PSKH2: variants seen among roughly 807,000 people sequenced by gnomAD.
PSKH2 encodes the protein protein serine kinase H2.
In PSKH2, 16 loss-of-function variants were observed where a neutral mutation model predicts 22.5. The observed-to-expected ratio is 0.71, with a 90% CI of 0.48 to 1.08. The LOEUF is 1.08. Ranked by LOEUF, PSKH2 falls within the 50% of genes least tolerant of loss-of-function variation. The pLI, the probability that PSKH2 is intolerant of heterozygous loss-of-function variation, is 0.00. For missense variants in PSKH2, 516 were observed against 492.8 expected, an observed-to-expected ratio of 1.05 and a Z score of -0.44; for synonymous variants, 188 against 184.8, an observed-to-expected ratio of 1.02 and a Z score of -0.14.
intron 2 of PSKH2, among the ~76,000 whole-genome samples, chr8:86,058,950 A>G (rs1177964722): frequency 1.4e-5 from 2 of 144,260 alleles, no homozygotes; most frequent in Non-Finnish European, 3.1e-5. Flanking sequence ...TATTTTATTT[A>G]TTTTTTTGAG....
At chr8:86,053,483 C>T (rs555399513) in intron 2 of PSKH2, among the ~76,000 whole-genome samples, 40 of 152,306 alleles carry the variant, frequency 2.6e-4, no homozygotes, top group African/African-American at 9.4e-4. Context: ...CCCCTCCTCA[C>T]CATGAGCCCC....
At chr8:86,063,410 A>G (rs1374036259) in intron 2 of PSKH2, among the ~76,000 whole-genome samples, 1 of 152,222 alleles carries the variant, frequency 6.6e-6, no homozygotes, top group Non-Finnish European at 1.5e-5. Context: ...ACATTCATGA[A>G]CACTGGGAGT....
rs183597573 is a variant in PSKH2, at chr8:86,069,003, T to G, written c.185+435A>C. ...TTATCCCAGACTATTGCAATAGGAG[T>G]CGAGGCTTCTGCAACAGGGGAAAGA... On this transcript the variant is annotated intron_variant, in intron 1 of 2. Transcript: ENST00000276616. 5.9e-4 allele frequency among the ~76,000 whole-genome samples: 89 copies of G among 151,396 alleles called. 1 individual carries two copies. Among genetic ancestry groups the G allele is most frequent in the African/African-American group, 1.7e-3 (71 of 41,216 alleles).
At chr8:86,059,622 G>A (rs60922663) in intron 2 of PSKH2, among the ~76,000 whole-genome samples, 278 of 152,114 alleles carry the variant, frequency 1.8e-3, no homozygotes, top group African/African-American at 6.4e-3. Context: ...ACTTGTGATC[G>A]TATTGGGCCT....
intron 2 of PSKH2, among the ~76,000 whole-genome samples, chr8:86,055,701 T>G (rs1261087956): frequency 6.6e-6 from 1 of 152,196 alleles, no homozygotes; most frequent in East Asian, 1.9e-4. Context: ...ATTAAAGTAC[T>G]GAATGTTCTG....
At chr8:86,064,826 G>T (rs145898227) in intron 1 of PSKH2, among the ~76,000 whole-genome samples, 195 bp from the exon 2 acceptor site, 2 of 152,026 alleles carry the variant, frequency 1.3e-5, no homozygotes, top group Non-Finnish European at 2.9e-5. Flanking sequence ...CGATATAAAG[G>T]TAATTTGTTG....
intron 2 of PSKH2, among the ~76,000 whole-genome samples, chr8:86,056,584 A>G (rs942974428): frequency 6.6e-6 from 1 of 152,220 alleles, no homozygotes; most frequent in African/African-American, 2.4e-5. Flanking sequence ...AAAAAAAGCC[A>G]TAAAACTAAT....
At chr8:86,063,723 C>T (rs1161257994) in intron 2 of PSKH2, among the ~76,000 whole-genome samples, 2 of 152,200 alleles carry the variant, frequency 1.3e-5, no homozygotes, top group African/African-American at 4.8e-5. Context: ...AGTCAAATGG[C>T]TCTCAGTCAG....
rs141099262 is a variant in PSKH2, at chr8:86,059,239, C to T, written c.852+4726G>A. On this transcript the variant is annotated intron_variant, in intron 2 of 2. Transcript: ENST00000276616. ...TACAGGTGTGCACCACAATGCCCAA[C>T]CTATTTAATTTGATGTTTATACCTG... Among the ~76,000 whole-genome samples the T allele has an allele frequency of 5.3e-3, 809 of 152,244 alleles. 8 individuals are homozygous for T. The highest frequency in any genetic ancestry group is 0.018 in the African/African-American group (762 of 41,526).
In PSKH2 at chr8:86,047,326, A is replaced by T. The variant is rs4961045; in HGVS notation, c.*1136T>A. Among the ~76,000 whole-genome samples the T allele has an allele frequency of 0.38, 57,289 of 151,912 alleles. 11,025 individuals are homozygous for T. Among genetic ancestry groups the T allele is most frequent in the East Asian group, 0.49 (2,532 of 5,150 alleles). ...ATATCATGTGATACAGCATTACAAC[A>T]TAAAAAGAAAATAGTTGTGTCACTA... is the stretch of plus-strand genomic sequence containing the variant. On this transcript the variant is annotated 3_prime_UTR_variant, in exon 3 of 3. Coordinates refer to ENST00000276616, the MANE Select transcript of PSKH2 (RefSeq NM_033126.3).
intron 2 of PSKH2, among the ~76,000 whole-genome samples, chr8:86,049,475 C>G (rs915007453): frequency 2.0e-5 from 3 of 151,750 alleles, no homozygotes; most frequent in Admixed American, 2.0e-4. Flanking sequence ...GGGAGGATTC[C>G]TTCAGCCCAG....
chr8:86,049,936 A>G (rs1230341009), intron 2 of PSKH2, among the ~76,000 whole-genome samples: 1 of 152,140 alleles, frequency 6.6e-6, no homozygotes, highest in Admixed American at 6.5e-5. Flanking sequence ...CTGGGCCCTC[A>G]CTGTTCCCAA....
At chr8:86,068,199 G>T (rs1356423122) in intron 1 of PSKH2, among the ~76,000 whole-genome samples, 3 of 152,164 alleles carry the variant, frequency 2.0e-5, no homozygotes, top group African/African-American at 7.2e-5. Flanking sequence ...TGTACTAAAA[G>T]TTCTCAAGGA....
chr8:86,055,249 C>T (rs1026914312), intron 2 of PSKH2, among the ~76,000 whole-genome samples: 3 of 152,152 alleles, frequency 2.0e-5, no homozygotes, highest in Admixed American at 2.0e-4. Flanking sequence ...GGTCAAGATA[C>T]AACCTAATCA....
intron 2 of PSKH2, among the ~76,000 whole-genome samples, chr8:86,058,111 C>CCATTGTCTGCCATCGTCTCAAGCACGAG (rs1243238654): frequency 3.9e-5 from 6 of 152,164 alleles, no homozygotes; most frequent in African/African-American, 1.2e-4. Flanking sequence ...ACGAGCTCTG[C>CCATTGTCTGCCATCGTCTCAAGCACGAG]CACCATCCAA....
intron 2 of PSKH2, among the ~76,000 whole-genome samples, chr8:86,056,037 C>G (rs1224159769): frequency 6.6e-6 from 1 of 151,196 alleles, no homozygotes; most frequent in Non-Finnish European, 1.5e-5. Flanking sequence ...ATCTGTAATC[C>G]CTGCAACTCA....
chr8:86,059,071 C>T (rs749200299), intron 2 of PSKH2, among the ~76,000 whole-genome samples: 11 of 152,072 alleles, frequency 7.2e-5, no homozygotes, highest in Admixed American at 1.3e-4. Context: ...TCCAGAATAG[C>T]GGGGACTACA....
intron 2 of PSKH2, among the ~76,000 whole-genome samples, chr8:86,053,044 G>A (rs1228404950): frequency 6.6e-6 from 1 of 152,238 alleles, no homozygotes; most frequent in Non-Finnish European, 1.5e-5. Flanking sequence ...CTTACATGCT[G>A]TAGATGTCTT....
intron 2 of PSKH2, among the ~76,000 whole-genome samples, chr8:86,062,513 T>A (rs1233473918): frequency 1.3e-5 from 2 of 152,186 alleles, no homozygotes; most frequent in East Asian, 1.9e-4. Context: ...TGGAGGTGAT[T>A]GGATCATGGG....
Sources: allele counts gnomAD v4.1 joint callset (sites outside exome capture counted in the v4.1 genomes callset), GRCh38; gene constraint gnomAD v4.1.1; transcripts MANE v1.5; gene names NCBI Gene and HGNC (gene_info 2026-07-23, HGNC 2026-07-21).